BICD2: variants seen among roughly 807,000 people sequenced by gnomAD.
BICD2 encodes BICD cargo adaptor 2.
Under a neutral mutation model 72.9 loss-of-function variants are expected in BICD2, and 25 were observed. The ratio of observed to expected loss-of-function variants is 0.34; its 90% CI spans 0.25 to 0.48. BICD2 has a LOEUF of 0.48. Among genes scored for constraint, BICD2 ranks in the 20% least tolerant of loss-of-function variants. BICD2 has a pLI of 0.99. For synonymous variants in BICD2, 501 were observed against 516.1 expected (o/e 0.97, Z 0.40); for missense variants, 894 against 1,175.2 (o/e 0.76, Z 3.50).
chr9:92,754,892 A>G (rs1564073026), intron 1 of BICD2, among the ~76,000 whole-genome samples: 1 of 152,198 alleles, frequency 6.6e-6, no homozygotes, highest in Non-Finnish European at 1.5e-5. Context: ...ATTGTACAGC[A>G]TGTGTGTTTG....
At chr9:92,736,020 G>T (rs980682568) in intron 1 of BICD2, among the ~76,000 whole-genome samples, 2 of 152,226 alleles carry the variant, frequency 1.3e-5, no homozygotes, top group African/African-American at 2.4e-5. Context: ...AGAGGCGTTT[G>T]AACCAGAACA....
At chr9:92,719,662 T>A (rs1853418372) in intron 4 of BICD2, 80 bp from the exon 5 acceptor site, 3 of 1,421,954 alleles carry the variant, frequency 2.1e-6, no homozygotes, top group South Asian at 2.8e-5. Context: ...GATGGCCTAG[T>A]GACATCCCAC....
rs371114998 is a variant in BICD2 at position 92,729,398 on chromosome 9, G to A, written c.241-162C>T. Among the ~76,000 whole-genome samples, 6 of 152,380 alleles carry A rather than the reference G, an allele frequency of 3.9e-5. No homozygotes were observed. The East Asian group carries it at 5.8e-4, about 15-fold the overall frequency. ...CTGACCTGGGAGGTGCATCTGTGGC[G>A]TGCACTGTGGTGTGCACATATGCAA... On this transcript the variant is annotated intron_variant, in intron 1 of 6. Coordinates refer to ENST00000356884, the MANE Select transcript of BICD2 (RefSeq NM_001003800.2).
At position 92,764,287 on chromosome 9, in the gene BICD2, C is replaced by T. The variant is rs975944263; in HGVS notation, c.240+218G>A. 3.9e-5 allele frequency among the ~76,000 whole-genome samples: 6 copies of T among 152,176 alleles called. No individual in the cohort carries two copies. ...CAGCTGCAGGAGGCGACAAGGCGCC[C>T]GGACCCCTGCATTAGCGGCGTCTGC... is the stretch of plus-strand genomic sequence containing the variant. On this transcript the variant is annotated intron_variant, in intron 1 of 6. Coordinates refer to ENST00000356884, the MANE Select transcript of BICD2 (RefSeq NM_001003800.2). The surrounding 1 kb of genome is among the most constrained non-coding windows in gnomAD (Gnocchi z 5.5).
intron 1 of BICD2, among the ~76,000 whole-genome samples, chr9:92,751,071 TG>T (rs1261713452): frequency 6.6e-6 from 1 of 151,700 alleles, no homozygotes; most frequent in Non-Finnish European, 1.5e-5. Flanking sequence ...CCACCAAGCC[TG>T]GCTAATTTTT....
At chr9:92,741,097 T>C (rs919049572) in intron 1 of BICD2, among the ~76,000 whole-genome samples, 4 of 152,230 alleles carry the variant, frequency 2.6e-5, no homozygotes, top group African/African-American at 9.6e-5. Flanking sequence ...CCTGTTCAGT[T>C]TGCTGAGTTT....
rs562094219 is a variant in BICD2 at position 92,764,801 on chromosome 9, A to AGCC, written c.-60_-58dup. ...GGCTCTCGCAGGCCGGGCCCTCCTC[A>AGCC]GCCGCCGCCGCTGCCGCCGCCGCCG... On this transcript the variant is annotated 5_prime_UTR_variant, in exon 1 of 7. Coordinates refer to ENST00000356884, the MANE Select transcript of BICD2 (RefSeq NM_001003800.2). This position sits in a 1 kb window ranked among gnomAD's most constrained non-coding sequence, Gnocchi z 5.5. 133,611 of 1,233,474 alleles carry AGCC rather than the reference A, an allele frequency of 0.11. 7,367 individuals are homozygous for AGCC. The highest frequency in any genetic ancestry group is 0.25 in the East Asian group (5,959 of 24,218). 76.4% of individuals were successfully genotyped at this position (1,233,474 alleles called of 1,614,324 possible). A position where few individuals can be genotyped will look rare whatever the true frequency, so the allele number is the denominator to read the frequency against.
At chr9:92,757,941 C>T (rs1040615868) in intron 1 of BICD2, among the ~76,000 whole-genome samples, 20 of 152,162 alleles carry the variant, frequency 1.3e-4, no homozygotes, top group Non-Finnish European at 2.8e-4. Flanking sequence ...CGGTGGCTCA[C>T]GCCTGTAATC....
chr9:92,760,796 T>C (rs769136276), intron 1 of BICD2, among the ~76,000 whole-genome samples: 7 of 152,056 alleles, frequency 4.6e-5, no homozygotes, highest in Admixed American at 2.0e-4. Context: ...TGAAAGGCCC[T>C]TGGGTCTCCC....
At chr9:92,757,630 C>G (rs1166250970) in intron 1 of BICD2, among the ~76,000 whole-genome samples, 1 of 150,636 alleles carries the variant, frequency 6.6e-6, no homozygotes, top group Non-Finnish European at 1.5e-5. Flanking sequence ...TGGTGTGAAC[C>G]CAGGAGGCGG....
At chr9:92,722,099 T>C (rs1472882836) in intron 3 of BICD2, among the ~76,000 whole-genome samples, 1 of 152,172 alleles carries the variant, frequency 6.6e-6, no homozygotes, top group African/African-American at 2.4e-5. Context: ...AGTTCAGGCC[T>C]TGAGTGGCAG....
In BICD2 at chr9:92,764,376, C is replaced by T. The variant is rs1317875760; in HGVS notation, c.240+129G>A. 3.1e-6 allele frequency: 4 copies of T among 1,290,352 alleles called. No homozygotes were observed. Among genetic ancestry groups the T allele is most frequent in the Non-Finnish European group, 4.0e-6 (4 of 1,002,982 alleles). 79.9% of individuals were successfully genotyped at this position (1,290,352 alleles called of 1,614,324 possible). Reference sequence around the variant, plus strand: ...CACTCCCACATACTGCCCGTGCCCCCTCCGCCCCGGCGGCCCACCCCTGCC... The same window carrying T: ...CACTCCCACATACTGCCCGTGCCCCTTCCGCCCCGGCGGCCCACCCCTGCC... On this transcript the variant is annotated intron_variant, in intron 1 of 6. Coordinates refer to ENST00000356884, the MANE Select transcript of BICD2 (RefSeq NM_001003800.2). This position sits in a 1 kb window ranked among gnomAD's most constrained non-coding sequence, Gnocchi z 5.5.
chr9:92,753,389 C>T (rs1854188655), intron 1 of BICD2, among the ~76,000 whole-genome samples: 1 of 152,140 alleles, frequency 6.6e-6, no homozygotes, highest in Non-Finnish European at 1.5e-5. Context: ...AAATATACCA[C>T]ACTAATGTAC....
rs1854297061 is a variant in BICD2, at chr9:92,758,059, C to A, written c.240+6446G>T. On this transcript the variant is annotated intron_variant, in intron 1 of 6. Coordinates refer to ENST00000356884, the MANE Select transcript of BICD2 (RefSeq NM_001003800.2). ...TCTCTACTAAAAATACAAAAATTAG[C>A]CGGGCGTGGTGGTGGGCTCCTGTAA... Among the ~76,000 whole-genome samples the A allele has an allele frequency of 2.6e-5, 4 of 151,902 alleles. No homozygotes were observed. The South Asian group carries it at 8.3e-4, about 32-fold the overall frequency.
In BICD2 at chr9:92,758,277, C is replaced by T. The variant is rs1854303103; in HGVS notation, c.240+6228G>A. Among the ~76,000 whole-genome samples the T allele has an allele frequency of 2.0e-5, 3 of 151,230 alleles. No homozygotes were observed. The South Asian group carries it at 6.3e-4, about 32-fold the overall frequency. Reference sequence around the variant, plus strand: ...GTAAATAATGAGTAAAGCAGCCAGGCGCAGTGGCTCACGCCTGTAATCCCA... The same window carrying T: ...GTAAATAATGAGTAAAGCAGCCAGGTGCAGTGGCTCACGCCTGTAATCCCA... On this transcript the variant is annotated intron_variant, in intron 1 of 6. Coordinates refer to ENST00000356884, the MANE Select transcript of BICD2 (RefSeq NM_001003800.2).
chr9:92,764,687 C>G lies in BICD2; in HGVS notation c.58G>C (p.Glu20Gln), dbSNP rs780000539. The change falls in exon 1 of 7, where the codon GAG becomes CAG. Residue 20 changes from glutamate (E) to glutamine (Q), a missense_variant. Physicochemically the swap from Glu to Gln is conservative, Grantham distance 29 (BLOSUM62 2). Around this residue, in one of 5 missense-constraint regions of BICD2, gnomAD observed 192 missense variants for 243.6 expected, o/e 0.79. Coordinates refer to ENST00000356884, the MANE Select transcript of BICD2 (RefSeq NM_001003800.2). This position sits in a 1 kb window ranked among gnomAD's most constrained non-coding sequence, Gnocchi z 5.5. Reference sequence around the variant, plus strand: ...CGCTTCACCTCGGCGCGCAGCCACTCCGGCTGCGCCTCCATCACCAGCCGC... The same window carrying G: ...CGCTTCACCTCGGCGCGCAGCCACTGCGGCTGCGCCTCCATCACCAGCCGC... ...YARLVMEAQP[E>Q]WLRAEVKRLS... is the part of the protein sequence containing the mutation. The G allele has an allele frequency of 1.1e-5, 18 of 1,589,058 alleles. No individual in the cohort carries two copies. The African/African-American group carries it at 1.2e-4, about 11-fold the overall frequency.
At chr9:92,742,867 C>T (rs1853925982) in intron 1 of BICD2, among the ~76,000 whole-genome samples, 1 of 152,200 alleles carries the variant, frequency 6.6e-6, no homozygotes, top group Non-Finnish European at 1.5e-5. Context: ...AAGGTTCGCC[C>T]ATGTTGTAGT....
chr9:92,733,819 T>C (rs891758762), intron 1 of BICD2, among the ~76,000 whole-genome samples: 1 of 151,762 alleles, frequency 6.6e-6, no homozygotes, highest in Non-Finnish European at 1.5e-5. Flanking sequence ...TACAAAAAAT[T>C]AGCCAGGCGT....
chr9:92,715,831 G>A (rs368269683), intron 6 of BICD2, among the ~76,000 whole-genome samples: 3 of 152,156 alleles, frequency 2.0e-5, no homozygotes, highest in Admixed American at 6.5e-5. Context: ...CGCTCTCCCC[G>A]CTTAAAGGCC....
Sources: allele counts gnomAD v4.1 joint callset (sites outside exome capture counted in the v4.1 genomes callset), GRCh38; gene constraint gnomAD v4.1.1; regional missense constraint gnomAD v4.1.1; non-coding constraint Gnocchi (gnomAD v3.1); transcripts MANE v1.5; gene names NCBI Gene and HGNC (gene_info 2026-07-23, HGNC 2026-07-21).